The following SLC24A2 variants were observed in gnomAD, a reference collection of about 807,000 sequenced individuals.
SLC24A2 encodes the protein solute carrier family 24 member 2.
A neutral mutation model predicts 62.0 loss-of-function variants in SLC24A2; 36 were observed. The ratio of observed to expected loss-of-function variants is 0.58; its 90% CI spans 0.44 to 0.77. The LOEUF is 0.77. Among genes scored for constraint, SLC24A2 ranks in the 30% least tolerant of loss-of-function variants. The pLI, the probability that SLC24A2 is intolerant of heterozygous loss-of-function variation, is 0.00. For synonymous variants in SLC24A2, 358 were observed against 294.0 expected, an observed-to-expected ratio of 1.22 and a Z score of -2.23; for missense variants, 846 against 817.9, an observed-to-expected ratio of 1.03 and a Z score of -0.42.
the SLC24A2 span, among the ~76,000 whole-genome samples, chr9:20,159,807 A>G: frequency 1.3e-5 from 2 of 151,738 alleles, no homozygotes; most frequent in East Asian, 3.9e-4. Context: ...TACAAGTAGT[A>G]TTTGGTATTT....
At chr9:19,730,772 C>T (rs1181425677) in intron 2 of SLC24A2, among the ~76,000 whole-genome samples, 7 of 151,986 alleles carry the variant, frequency 4.6e-5, no homozygotes, top group Admixed American at 1.3e-4. Flanking sequence ...AAATATTTTT[C>T]GATGCATATA....
the SLC24A2 span, among the ~76,000 whole-genome samples, chr9:20,166,497 T>C: frequency 4.6e-5 from 7 of 151,954 alleles, no homozygotes; most frequent in African/African-American, 1.4e-4. Context: ...TCTCTGTAAA[T>C]TGATAAAAAT....
At chr9:20,060,654 G>C in the SLC24A2 span, among the ~76,000 whole-genome samples, 39 of 152,100 alleles carry the variant, frequency 2.6e-4, no homozygotes, top group Admixed American at 3.9e-4. Flanking sequence ...TTTCCAACTT[G>C]TTAAAGGGTG....
intron 8 of SLC24A2, among the ~76,000 whole-genome samples, chr9:19,532,502 G>A (rs1391611465): frequency 1.3e-5 from 2 of 152,172 alleles, no homozygotes; most frequent in African/African-American, 4.8e-5. Flanking sequence ...TTTTACTGTT[G>A]TATTAAAATT....
chr9:20,287,663 T>A, the SLC24A2 span, among the ~76,000 whole-genome samples: 7 of 152,198 alleles, frequency 4.6e-5, no homozygotes, highest in African/African-American at 1.7e-4. Flanking sequence ...TCGCAGAGCT[T>A]TCAGTTGAGC....
the SLC24A2 span, among the ~76,000 whole-genome samples, chr9:20,120,380 A>G: frequency 6.6e-6 from 1 of 152,180 alleles, no homozygotes; most frequent in Non-Finnish European, 1.5e-5. Context: ...TAGCCATGAA[A>G]AAGAATGAGC....
At chr9:20,269,934 G>A in the SLC24A2 span, among the ~76,000 whole-genome samples, 6 of 152,188 alleles carry the variant, frequency 3.9e-5, no homozygotes, top group African/African-American at 1.4e-4. Flanking sequence ...TTAGCTCACA[G>A]TTCTGCAGGC....
the SLC24A2 span, among the ~76,000 whole-genome samples, chr9:19,795,541 A>T: frequency 6.6e-6 from 1 of 152,146 alleles, no homozygotes. Flanking sequence ...AAAGAACCAT[A>T]TTCAAAGGTT....
the SLC24A2 span, among the ~76,000 whole-genome samples, chr9:19,938,081 A>C: frequency 6.6e-6 from 1 of 152,188 alleles, no homozygotes. Context: ...TATAGATTAA[A>C]AATGAAATAA....
At chr9:20,015,071 AAAG>A in the SLC24A2 span, among the ~76,000 whole-genome samples, 2 of 152,324 alleles carry the variant, frequency 1.3e-5, no homozygotes, top group African/African-American at 4.8e-5. Flanking sequence ...AAAGAAATAA[AAAG>A]AATATGTAGT....
At chr9:19,916,987 T>TTTTG in the SLC24A2 span, among the ~76,000 whole-genome samples, 11 of 147,164 alleles carry the variant, frequency 7.5e-5, no homozygotes, top group African/African-American at 2.5e-4. Flanking sequence ...ACCTGTTTTT[T>TTTTG]TTTTTTTTTT....
chr9:20,096,032 T>A, the SLC24A2 span, among the ~76,000 whole-genome samples: 4 of 152,148 alleles, frequency 2.6e-5, no homozygotes, highest in Admixed American at 6.5e-5. Context: ...CAATTGAAGA[T>A]GAGATGTAGG....
chr9:20,058,839 G>A, the SLC24A2 span, among the ~76,000 whole-genome samples: 4,765 of 152,232 alleles, frequency 0.031, 101 homozygotes, highest in South Asian at 0.079. Flanking sequence ...CCATTGTCTT[G>A]TAAGTTGAGT....
chr9:20,184,248 G>A, the SLC24A2 span, among the ~76,000 whole-genome samples: 1 of 152,152 alleles, frequency 6.6e-6, no homozygotes, highest in Admixed American at 6.5e-5. Flanking sequence ...AATGCCTATT[G>A]TCAAAAAAAG....
At chr9:20,276,833 G>A in the SLC24A2 span, among the ~76,000 whole-genome samples, 6 of 152,218 alleles carry the variant, frequency 3.9e-5, no homozygotes, top group Admixed American at 6.5e-5. Context: ...TTTGGGGCTT[G>A]CACCCTCTGA....
chr9:19,894,161 C>A, the SLC24A2 span, among the ~76,000 whole-genome samples: 2 of 152,122 alleles, frequency 1.3e-5, no homozygotes, highest in Non-Finnish European at 2.9e-5. Context: ...CAGTCTGGCA[C>A]AGAAGGGATG....
chr9:19,720,822 T>C (rs1264240438), intron 2 of SLC24A2, among the ~76,000 whole-genome samples: 1 of 149,786 alleles, frequency 6.7e-6, no homozygotes, highest in African/African-American at 2.5e-5. Context: ...AAACAATTTG[T>C]GTATATGTGG....
chr9:19,810,410 G>T, the SLC24A2 span, among the ~76,000 whole-genome samples: 3 of 152,196 alleles, frequency 2.0e-5, no homozygotes, highest in African/African-American at 7.2e-5. Context: ...AAAAACCTGT[G>T]TAAATAGGAA....
chr9:19,569,931 G>A (rs2132835204), intron 7 of SLC24A2, among the ~76,000 whole-genome samples: 1 of 152,282 alleles, frequency 6.6e-6, no homozygotes, highest in South Asian at 2.1e-4. Flanking sequence ...CAGTTCAAAT[G>A]CCATTTCCTT....
Sources: allele counts gnomAD v4.1 joint callset (sites outside exome capture counted in the v4.1 genomes callset), GRCh38; gene constraint gnomAD v4.1.1; transcripts MANE v1.5; gene names NCBI Gene and HGNC (gene_info 2026-07-23, HGNC 2026-07-21).